ROBO1: variants seen among roughly 807,000 people sequenced by gnomAD.
ROBO1 encodes roundabout guidance receptor 1.
ROBO1 carries 149 observed loss-of-function variants against 195.9 expected under a neutral mutation model. The ratio of observed to expected loss-of-function variants is 0.76; its 90% confidence interval spans 0.67 to 0.87. The LOEUF (loss-of-function observed/expected upper bound fraction) is 0.87, where lower values mean the gene tolerates loss of function less well. Among genes scored for constraint, ROBO1 ranks in the 40% least tolerant of loss-of-function variants. ROBO1 has a pLI of 0.00. For missense variants in ROBO1, 1,933 were observed against 2,068.3 expected (o/e 0.93, Z 1.27); for synonymous variants, 816 against 733.2 (o/e 1.11, Z -1.82).
At chr3:79,663,209 A>T (rs901640308) in intron 1 of ROBO1, among the ~76,000 whole-genome samples, 1 of 152,058 alleles carries the variant, frequency 6.6e-6, no homozygotes, top group Non-Finnish European at 1.5e-5. Context: ...TCTGATAACT[A>T]TTGCATTACT....
intron 2 of ROBO1, among the ~76,000 whole-genome samples, chr3:79,469,973 C>T (rs907285297): frequency 6.6e-6 from 1 of 152,046 alleles, no homozygotes; most frequent in African/African-American, 2.4e-5. Flanking sequence ...CAACAATGAA[C>T]TATGAGAAAG....
intron 4 of ROBO1, among the ~76,000 whole-genome samples, chr3:78,916,326 G>A (rs1351988543): frequency 1.3e-5 from 2 of 151,160 alleles, no homozygotes; most frequent in African/African-American, 4.9e-5. Context: ...GCCGAGGTGG[G>A]CGAACCACCT....
intron 2 of ROBO1, among the ~76,000 whole-genome samples, chr3:79,586,403 T>G (rs1319624595): frequency 6.6e-6 from 1 of 151,858 alleles, no homozygotes; most frequent in Admixed American, 6.6e-5. Flanking sequence ...CAGTAAATCA[T>G]TTCAGAAAAT....
At chr3:79,490,660 A>T (rs1298334184) in intron 2 of ROBO1, among the ~76,000 whole-genome samples, 1 of 152,232 alleles carries the variant, frequency 6.6e-6, no homozygotes, top group Non-Finnish European at 1.5e-5. Flanking sequence ...CAGGCCTCCC[A>T]GGAGAAAGTT....
At chr3:79,715,762 T>C (rs1702458121) in intron 1 of ROBO1, among the ~76,000 whole-genome samples, 1 of 152,130 alleles carries the variant, frequency 6.6e-6, no homozygotes, top group Admixed American at 6.6e-5. Context: ...TTGATCATAC[T>C]TTGAGAAATA....
intron 1 of ROBO1, among the ~76,000 whole-genome samples, chr3:79,687,345 A>T (rs1392296944): frequency 1.3e-5 from 2 of 152,170 alleles, no homozygotes; most frequent in African/African-American, 4.8e-5. Context: ...ACCAAAAGCA[A>T]TGGCAACAAA....
At position 79,497,411 on chromosome 3, in the gene ROBO1, A is replaced by G. The variant is rs181715252; in HGVS notation, c.88+92413T>C. Among the ~76,000 whole-genome samples the G allele has an allele frequency of 2.0e-3, 311 of 152,294 alleles. 2 individuals carry two copies. The highest frequency in any genetic ancestry group is 6.2e-3 in the African/African-American group (258 of 41,578). ...ATTATTTGATTTAAAAACTCATTACATATAAAATAATATCTTTTTTGTTTT... is the reference window on the plus strand; with the variant it reads ...ATTATTTGATTTAAAAACTCATTACGTATAAAATAATATCTTTTTTGTTTT... On this transcript the variant is annotated intron_variant, in intron 2 of 30. Coordinates refer to ENST00000464233, the MANE Select transcript of ROBO1 (RefSeq NM_002941.4).
intron 2 of ROBO1, among the ~76,000 whole-genome samples, chr3:79,309,070 A>G (rs1338664234): frequency 6.6e-6 from 1 of 151,744 alleles, no homozygotes; most frequent in African/African-American, 2.4e-5. Flanking sequence ...TGAAGAAAAA[A>G]AAAGCCACTG....
intron 1 of ROBO1, among the ~76,000 whole-genome samples, chr3:79,606,770 A>T (rs1436441421): frequency 6.6e-6 from 1 of 151,882 alleles, no homozygotes; most frequent in Non-Finnish European, 1.5e-5. Context: ...TCATTTTATT[A>T]TTATTATATT....
chr3:79,613,360 C>A (rs1944723347), intron 1 of ROBO1, among the ~76,000 whole-genome samples: 1 of 151,856 alleles, frequency 6.6e-6, no homozygotes, highest in African/African-American at 2.4e-5. Flanking sequence ...AAAGATATAT[C>A]TTTTAAATTC....
At chr3:78,841,168 T>C (rs1338460358) in intron 4 of ROBO1, among the ~76,000 whole-genome samples, 1 of 151,992 alleles carries the variant, frequency 6.6e-6, no homozygotes, top group Non-Finnish European at 1.5e-5. Context: ...CAGAGTCAAC[T>C]TCAAAATAGG....
At chr3:79,491,638 G>A (rs1430169580) in intron 2 of ROBO1, among the ~76,000 whole-genome samples, 1 of 152,176 alleles carries the variant, frequency 6.6e-6, no homozygotes, top group Non-Finnish European at 1.5e-5. Context: ...TAGAGTGAAA[G>A]AATTCTGTAG....
At chr3:78,643,139 G>C (rs1706070559) in intron 21 of ROBO1, among the ~76,000 whole-genome samples, 1 of 152,154 alleles carries the variant, frequency 6.6e-6, no homozygotes, top group African/African-American at 2.4e-5. Flanking sequence ...TCCACCAGGA[G>C]TTGCCAAACG....
At chr3:79,355,874 G>A (rs764566137) in intron 2 of ROBO1, among the ~76,000 whole-genome samples, 57 of 152,200 alleles carry the variant, frequency 3.7e-4, no homozygotes, top group Non-Finnish European at 5.9e-4. Flanking sequence ...GTAAAGACAG[G>A]AGTGCAGAAA....
At chr3:79,431,880 T>C (rs1005566999) in intron 2 of ROBO1, among the ~76,000 whole-genome samples, 2 of 152,034 alleles carry the variant, frequency 1.3e-5, no homozygotes, top group African/African-American at 4.8e-5. Flanking sequence ...TGTCATGCAA[T>C]TACCAAATCA....
chr3:79,575,891 G>A (rs955722346), intron 2 of ROBO1, among the ~76,000 whole-genome samples: 49 of 151,962 alleles, frequency 3.2e-4, no homozygotes, highest in African/African-American at 1.1e-3. Flanking sequence ...TTGCCCTGAA[G>A]CATCATGTCA....
At chr3:79,139,718 C>A (rs1004216103) in intron 2 of ROBO1, among the ~76,000 whole-genome samples, 4 of 152,120 alleles carry the variant, frequency 2.6e-5, no homozygotes, top group Non-Finnish European at 5.9e-5. Flanking sequence ...ATTTCCGGTC[C>A]ATTTTACTAA....
chr3:79,336,622 G>C (rs2034679942), intron 2 of ROBO1, among the ~76,000 whole-genome samples: 1 of 152,204 alleles, frequency 6.6e-6, no homozygotes, highest in Non-Finnish European at 1.5e-5. Flanking sequence ...ACCTCTGCTA[G>C]GGCAGTGAAG....
rs920741411 is a variant in ROBO1 at position 78,617,867 on chromosome 3, C to A, written c.4050G>T (p.Gly1350=). The change falls in exon 27 of 31, where the codon GGG becomes GGT. Residue 1350 remains glycine, a synonymous_variant. Coordinates refer to ENST00000464233, the MANE Select transcript of ROBO1 (RefSeq NM_002941.4). ...KMQTRRLLLR[G]LEQTPASSVG... ...CACTGGAGGCAGGTGTCTGCTCAAG[C>A]CCACGTAACAAAAGCCTTCTGGTTT... 6.3e-5 allele frequency: 102 copies of A among 1,613,870 alleles called. No individual in the cohort carries two copies. The highest frequency in any genetic ancestry group is 8.6e-5 in the Non-Finnish European group (102 of 1,179,908).
Sources: allele counts gnomAD v4.1 joint callset (sites outside exome capture counted in the v4.1 genomes callset), GRCh38; gene constraint gnomAD v4.1.1; transcripts MANE v1.5; gene names NCBI Gene and HGNC (gene_info 2026-07-23, HGNC 2026-07-21).